The following DYRK4 variants were observed in gnomAD, a reference collection of about 807,000 sequenced individuals.
DYRK4 encodes the protein dual specificity tyrosine-phosphorylation-regulated kinase 4.
A neutral mutation model predicts 68.3 loss-of-function variants in DYRK4; 64 were observed. The ratio of observed to expected loss-of-function variants is 0.94; its 90% CI spans 0.77 to 1.15. The LOEUF is 1.15. DYRK4 is among the 50% of genes most tolerant of loss of function. The pLI, the probability that DYRK4 is intolerant of heterozygous loss-of-function variation, is 0.00. For synonymous variants in DYRK4, 274 were observed against 289.9 expected, an observed-to-expected ratio of 0.95 and a Z score of 0.56; for missense variants, 740 against 764.7, an observed-to-expected ratio of 0.97 and a Z score of 0.38.
At chr12:4,596,431 G>C in intron 7 of DYRK4, 146 bp downstream of exon 7, 1 of 1,508,956 alleles carries the variant, frequency 6.6e-7, no homozygotes. Context: ...GATTCCATGA[G>C]GGGGCAAAGA....
intron 1 of DYRK4, chr12:4,563,312 T>G: frequency 5.4e-6 from 2 of 372,824 alleles, no homozygotes; most frequent in Non-Finnish European, 1.1e-5. Flanking sequence ...GAAGGGACTC[T>G]CTAGCAATAT....
rs56178846 is a variant in DYRK4, at chr12:4,596,714, C to T, written c.890C>T (p.Thr297Ile). The change falls in exon 8 of 15, where the codon ACC (threonine) becomes ATC (isoleucine). Residue 297 changes from threonine to isoleucine, a missense_variant. Transcript: ENST00000543431. The part of the protein sequence containing the change: ...FFYFRNHFCI[T>I]FELLGINLYE... Reference sequence around the variant, plus strand: ...TACTTTCGCAATCACTTCTGCATCACCTTTGAGCTCCTGGGGTCAGCTGCC... The same window carrying T: ...TACTTTCGCAATCACTTCTGCATCATCTTTGAGCTCCTGGGGTCAGCTGCC... 2.3e-4 allele frequency: 372 copies of T among 1,613,886 alleles called. No individual in the cohort carries two copies. The highest frequency in any genetic ancestry group is 2.9e-4 in the Non-Finnish European group (347 of 1,180,010).
At chr12:4,593,388 C>G (rs1237776320) in intron 6 of DYRK4, among the ~76,000 whole-genome samples, 1 of 152,162 alleles carries the variant, frequency 6.6e-6, no homozygotes, top group African/African-American at 2.4e-5. Flanking sequence ...GACTAATTTT[C>G]CCCCAAGCAT....
At chr12:4,572,641 G>A (rs1292759583) in intron 2 of DYRK4, among the ~76,000 whole-genome samples, 1 of 152,172 alleles carries the variant, frequency 6.6e-6, no homozygotes. Context: ...GGGGACAGGT[G>A]TCCATTTCAT....
intron 8 of DYRK4, chr12:4,597,159 A>G (rs1364856429): frequency 8.6e-6 from 9 of 1,042,450 alleles, no homozygotes; most frequent in Non-Finnish European, 9.2e-6. Context: ...TTTTGAGTAA[A>G]TAAGGACAAG....
At chr12:4,595,664 G>C (rs918507969) in intron 6 of DYRK4, among the ~76,000 whole-genome samples, 1 of 152,062 alleles carries the variant, frequency 6.6e-6, no homozygotes, top group African/African-American at 2.4e-5. Context: ...GAGACCTAAC[G>C]CCTTCTCTAA....
chr12:4,595,118 G>A (rs1030851650), intron 6 of DYRK4, among the ~76,000 whole-genome samples: 1 of 152,192 alleles, frequency 6.6e-6, no homozygotes, highest in Non-Finnish European at 1.5e-5. Context: ...CATGTGTGTG[G>A]ATCCTGTCCC....
At chr12:4,562,372 G>C in intron 1 of DYRK4, 89 bp downstream of exon 1, 1 of 1,456,346 alleles carries the variant, frequency 6.9e-7, no homozygotes, top group Non-Finnish European at 9.1e-7. Flanking sequence ...GGTCGTGGGG[G>C]GAGAATGAAA....
chr12:4,590,044 A>G (rs760712985), intron 3 of DYRK4: 10 of 816,926 alleles, frequency 1.2e-5, no homozygotes, highest in Non-Finnish European at 1.6e-5. Flanking sequence ...TTCCCATGGT[A>G]GTGATGAAAT....
intron 2 of DYRK4, among the ~76,000 whole-genome samples, chr12:4,577,827 C>T (rs1460266088): frequency 6.6e-6 from 1 of 152,170 alleles, no homozygotes; most frequent in Non-Finnish European, 1.5e-5. Context: ...TAGTTTTTCT[C>T]AGATAGATCT....
At chr12:4,571,025 C>A (rs555000992) in intron 2 of DYRK4, among the ~76,000 whole-genome samples, 1 of 152,276 alleles carries the variant, frequency 6.6e-6, no homozygotes, top group South Asian at 2.1e-4. Flanking sequence ...CCCTTTGGTC[C>A]TCAGTCATCT....
intron 2 of DYRK4, among the ~76,000 whole-genome samples, chr12:4,587,415 A>G (rs909247921): frequency 2.0e-5 from 3 of 152,144 alleles, no homozygotes; most frequent in Non-Finnish European, 4.4e-5. Context: ...CTCACTGTTC[A>G]TGCCCTTTGT....
chr12:4,608,408 A>G (rs1242387343), intron 12 of DYRK4, among the ~76,000 whole-genome samples: 1 of 151,992 alleles, frequency 6.6e-6, no homozygotes, highest in Non-Finnish European at 1.5e-5. Flanking sequence ...AAATCACACA[A>G]TTTCTGTTCA....
At chr12:4,604,848 T>TG in intron 10 of DYRK4, 66 bp from the exon 11 acceptor site, 1 of 1,487,844 alleles carries the variant, frequency 6.7e-7, no homozygotes, top group South Asian at 1.4e-5. Context: ...GAAGTTGTCC[T>TG]GGGGGAGAGC....
At chr12:4,573,086 T>A (rs1944749211) in intron 2 of DYRK4, 2 of 338,662 alleles carry the variant, frequency 5.9e-6, no homozygotes, top group Non-Finnish European at 1.1e-5. Context: ...GGTTTTTAGG[T>A]TGGCACACTA....
intron 6 of DYRK4, among the ~76,000 whole-genome samples, chr12:4,594,221 T>G (rs1944990508): frequency 6.6e-6 from 1 of 152,102 alleles, no homozygotes; most frequent in Non-Finnish European, 1.5e-5. Context: ...TGGTTAGGAA[T>G]CTCCAATATA....
intron 2 of DYRK4, among the ~76,000 whole-genome samples, chr12:4,577,153 G>A (rs1944797830): frequency 6.6e-6 from 1 of 152,134 alleles, no homozygotes; most frequent in Non-Finnish European, 1.5e-5. Flanking sequence ...TTAGGTCTAT[G>A]AGCCATTTTG....
intron 2 of DYRK4, among the ~76,000 whole-genome samples, chr12:4,585,087 C>T (rs58880130): frequency 0.023 from 3,540 of 152,262 alleles, 115 homozygotes; most frequent in African/African-American, 0.079. Flanking sequence ...GGCATGTCAC[C>T]GCAGTGTTCA....
chr12:4,596,906 A>G lies in DYRK4; in HGVS notation c.905+177A>G, dbSNP rs899687772. The G allele has an allele frequency of 8.3e-6, 12 of 1,448,710 alleles. No individual in the cohort carries two copies. The Admixed American group carries it at 1.4e-4, about 17-fold the overall frequency. The allele number at this position is 1,448,710 out of a possible 1,614,324, so 89.7% of individuals were successfully genotyped here. A position where few individuals can be genotyped will look rare whatever the true frequency, so the allele number is the denominator to read the frequency against. ...AAGGAGGTTGGGATGAAAGCAGGCC[A>G]TCTTGGTATGCCTGTCACCTGCCAG... On this transcript the variant is annotated intron_variant, in intron 8 of 14. Transcript: ENST00000543431.
Sources: allele counts gnomAD v4.1 joint callset (sites outside exome capture counted in the v4.1 genomes callset), GRCh38; gene constraint gnomAD v4.1.1; transcripts MANE v1.5; gene names NCBI Gene and HGNC (gene_info 2026-07-23, HGNC 2026-07-21).